Variants in THEMIS observed in about 807,000 individuals in gnomAD.
THEMIS encodes the protein protein THEMIS.
Under a neutral mutation model 52.6 loss-of-function variants are expected in THEMIS, and 37 were observed. The ratio of observed to expected loss-of-function variants is 0.70; its 90% confidence interval spans 0.54 to 0.93. The LOEUF is 0.93. Ranked by LOEUF, THEMIS falls within the 40% of genes least tolerant of loss-of-function variation. The pLI, the probability that THEMIS is intolerant of heterozygous loss-of-function variation, is 0.00. For missense variants in THEMIS, 808 were observed against 763.1 expected, an observed-to-expected ratio of 1.06 and a Z score of -0.69; for synonymous variants, 292 against 272.7, an observed-to-expected ratio of 1.07 and a Z score of -0.70.
At chr6:127,904,100 C>T (rs537725036), upstream of THEMIS, among the ~76,000 whole-genome samples, 1 of 152,104 alleles carries the variant, frequency 6.6e-6, no homozygotes, top group Admixed American at 6.6e-5. Context: ...AGGAGAGAAC[C>T]TGAGTTGAGT....
chr6:127,752,718 A>T (rs199148), intron 4 of THEMIS, among the ~76,000 whole-genome samples: 71,821 of 151,452 alleles, frequency 0.47, 17,994 homozygotes, highest in Non-Finnish European at 0.53. Flanking sequence ...TAGGACCTGA[A>T]GGCTTTACTG....
Position 127,709,864 on chromosome 6 carries a change from G to A in THEMIS, c.*121C>T. 2 of 803,796 alleles carry A rather than the reference G, an allele frequency of 2.5e-6. No individual in the cohort carries two copies. The highest frequency in any genetic ancestry group is 1.6e-5 in the South Asian group (1 of 60,918). The allele number at this position is 803,796 out of a possible 1,614,324, so 49.8% of individuals were successfully genotyped here. A position where few individuals can be genotyped will look rare whatever the true frequency, so the allele number is the denominator to read the frequency against. On this transcript the variant is annotated 3_prime_UTR_variant, in exon 6 of 6. Transcript: ENST00000368248. ...TTTTAAGGTTGTTCTTTCCTTTGCAGCGATGAATCAAGTTTCTTCTGGAGT... is the reference window on the plus strand; with the variant it reads ...TTTTAAGGTTGTTCTTTCCTTTGCAACGATGAATCAAGTTTCTTCTGGAGT...
At chr6:127,820,322 G>C (rs943981236) in intron 3 of THEMIS, among the ~76,000 whole-genome samples, 1 of 152,126 alleles carries the variant, frequency 6.6e-6, no homozygotes, top group East Asian at 1.9e-4. Flanking sequence ...AGAATGAAAA[G>C]AAATTACAGG....
At chr6:127,786,982 TA>T (rs1331547763) in intron 4 of THEMIS, among the ~76,000 whole-genome samples, 3 of 151,966 alleles carry the variant, frequency 2.0e-5, no homozygotes, top group African/African-American at 4.8e-5. Context: ...TTGGAGCTCC[TA>T]AAAAAACTCG....
chr6:127,772,720 C>G (rs1776429528), intron 4 of THEMIS, among the ~76,000 whole-genome samples: 1 of 152,060 alleles, frequency 6.6e-6, no homozygotes, highest in African/African-American at 2.4e-5. Flanking sequence ...ATTCTGATGG[C>G]TCTTCCCTTA....
At chr6:127,828,221 T>A (rs1373333215) in intron 3 of THEMIS, among the ~76,000 whole-genome samples, 1 of 152,202 alleles carries the variant, frequency 6.6e-6, no homozygotes, top group African/African-American at 2.4e-5. Context: ...AGGCAGGAGA[T>A]GCCAATAGTT....
intron 4 of THEMIS, among the ~76,000 whole-genome samples, chr6:127,786,543 G>A (rs531257496): frequency 1.3e-5 from 2 of 152,272 alleles, no homozygotes; most frequent in African/African-American, 4.8e-5. Flanking sequence ...TAGGTACCAA[G>A]TACTATTCTA....
In THEMIS at chr6:127,813,148, G is replaced by T; in HGVS notation, c.1493C>A (p.Pro498His). 6.2e-7 allele frequency: 1 copy of T among 1,614,030 alleles called. No homozygotes were observed. Among genetic ancestry groups the T allele is most frequent in the Non-Finnish European group, 8.5e-7 (1 of 1,179,994 alleles). ...SYLLISDFANPTECWEIPVGR... is the reference protein window; with the variant it reads ...SYLLISDFANHTECWEIPVGR... ...CACAGGAATTTCCCAGCACTCCGTG[G>T]GGTTGGCAAAGTCACTTATGAGTAG... The change falls in exon 4 of 6, where the codon CCC (proline) becomes CAC (histidine). Residue 498 changes from proline (P) to histidine (H), a missense_variant. Physicochemically the swap from Pro to His is moderately conservative, Grantham distance 77. Coordinates refer to ENST00000368248, the MANE Select transcript of THEMIS (RefSeq NM_001010923.3).
chr6:127,706,047 A>T (rs1365276023), downstream of THEMIS, among the ~76,000 whole-genome samples: 1 of 152,044 alleles, frequency 6.6e-6, no homozygotes, highest in Non-Finnish European at 1.5e-5. Context: ...TTCCCCCTTA[A>T]CCTGTGCTTC....
At chr6:127,711,839 T>C (rs939553409) in intron 5 of THEMIS, among the ~76,000 whole-genome samples, 3 of 151,960 alleles carry the variant, frequency 2.0e-5, no homozygotes, top group Admixed American at 1.3e-4. Flanking sequence ...AATAAATGAA[T>C]TGTAGTACAG....
chr6:127,874,083 G>T (rs1780239552), intron 1 of THEMIS, among the ~76,000 whole-genome samples: 1 of 152,160 alleles, frequency 6.6e-6, no homozygotes, highest in African/African-American at 2.4e-5. Flanking sequence ...AAGGTTTACG[G>T]TATAGCACTA....
chr6:127,916,203 G>T (rs1049714848), intron 1 of THEMIS, among the ~76,000 whole-genome samples: 2 of 150,288 alleles, frequency 1.3e-5, no homozygotes, highest in African/African-American at 4.9e-5. Context: ...ATATATCTAT[G>T]AAAAAAATAA....
intron 5 of THEMIS, among the ~76,000 whole-genome samples, chr6:127,713,307 C>T (rs890395321): frequency 2.0e-5 from 3 of 151,830 alleles, no homozygotes; most frequent in Non-Finnish European, 4.4e-5. Context: ...AGAGATGAGT[C>T]TTCTATGTGT....
chr6:127,821,613 C>A (rs895307527), intron 3 of THEMIS, among the ~76,000 whole-genome samples: 1 of 151,510 alleles, frequency 6.6e-6, no homozygotes, highest in Admixed American at 6.6e-5. Context: ...TCACTAAGTT[C>A]TTTCAGGGAA....
At chr6:127,797,325 A>T (rs1465209951) in intron 4 of THEMIS, among the ~76,000 whole-genome samples, 1 of 152,122 alleles carries the variant, frequency 6.6e-6, no homozygotes, top group Non-Finnish European at 1.5e-5. Flanking sequence ...AGAACCACAC[A>T]AGTTTCTTTG....
chr6:127,852,731 C>A (rs1249427041), intron 2 of THEMIS, among the ~76,000 whole-genome samples: 2 of 151,470 alleles, frequency 1.3e-5, no homozygotes, highest in African/African-American at 4.8e-5. Flanking sequence ...TGATTTCTAT[C>A]TTTCTCCTTA....
intron 2 of THEMIS, among the ~76,000 whole-genome samples, chr6:127,844,128 G>A (rs904835615): frequency 6.6e-6 from 1 of 151,948 alleles, no homozygotes; most frequent in Non-Finnish European, 1.5e-5. Flanking sequence ...TCACATATGA[G>A]GTTCATATTA....
intron 4 of THEMIS, among the ~76,000 whole-genome samples, chr6:127,791,823 C>T (rs1186645252): frequency 6.6e-6 from 1 of 152,178 alleles, no homozygotes; most frequent in African/African-American, 2.4e-5. Context: ...CAGTGCTGCC[C>T]CAAGCGTGCA....
At chr6:127,915,996 A>C (rs1249165643) in intron 1 of THEMIS, among the ~76,000 whole-genome samples, 3 of 152,118 alleles carry the variant, frequency 2.0e-5, no homozygotes, top group Admixed American at 1.3e-4. Context: ...CAAAACTAAT[A>C]ATAAAAGAAA....
Sources: allele counts gnomAD v4.1 joint callset (sites outside exome capture counted in the v4.1 genomes callset), GRCh38; gene constraint gnomAD v4.1.1; transcripts MANE v1.5; gene names NCBI Gene and HGNC (gene_info 2026-07-23, HGNC 2026-07-21).